The following GRM7 variants were observed in gnomAD, a reference collection of about 807,000 sequenced individuals.
The protein encoded by GRM7 is glutamate metabotropic receptor 7, also known as metabotropic glutamate receptor 7.
Under a neutral mutation model 84.5 loss-of-function variants are expected in GRM7, and 35 were observed. The observed-to-expected ratio is 0.41, with a 90% confidence interval of 0.32 to 0.55. The LOEUF (loss-of-function observed/expected upper bound fraction) is 0.55, where lower values mean the gene tolerates loss of function less well. Among genes scored for constraint, GRM7 ranks in the 20% least tolerant of loss-of-function variants. The probability of loss-of-function intolerance (pLI) is 0.19; values close to 1 mark genes in which losing one functional copy is unlikely to be tolerated. For synonymous variants in GRM7, 487 were observed against 455.1 expected, an observed-to-expected ratio of 1.07 and a Z score of -0.89; for missense variants, 1,003 against 1,194.6, an observed-to-expected ratio of 0.84 and a Z score of 2.36.
intron 7 of GRM7, among the ~76,000 whole-genome samples, chr3:7,496,513 A>G (rs1575417455): frequency 6.6e-6 from 1 of 152,350 alleles, no homozygotes; most frequent in South Asian, 2.1e-4. Context: ...CTGAAGAGGC[A>G]TTACATCTAA....
rs36031229 is a variant in GRM7 at position 7,456,450 on chromosome 3, C to CTT, written c.1375+3653_1375+3654dup. On this transcript the variant is annotated intron_variant, in intron 6 of 9. Coordinates refer to ENST00000357716, the MANE Select transcript of GRM7 (RefSeq NM_000844.4). The stretch of plus-strand genomic sequence containing the variant: ...TGGTTTAGGATGCTATTTTTTTTTC[C>CTT]TTTTTTTTTTTAACAGATAAGGAAA... Among the ~76,000 whole-genome samples the CTT allele has an allele frequency of 2.6e-3, 380 of 146,582 alleles. 1 individual carries two copies. Among genetic ancestry groups the CTT allele is most frequent in the Middle Eastern group, 7.0e-3 (2 of 286 alleles).
intron 4 of GRM7, among the ~76,000 whole-genome samples, chr3:7,390,434 A>G (rs1694946399): frequency 2.0e-5 from 3 of 152,154 alleles, no homozygotes; most frequent in African/African-American, 4.8e-5. Flanking sequence ...ATATCCTCAC[A>G]TATTGTTTCT....
intron 2 of GRM7, among the ~76,000 whole-genome samples, chr3:7,237,524 G>A (rs1697389303): frequency 6.6e-6 from 1 of 151,938 alleles, no homozygotes; most frequent in African/African-American, 2.4e-5. Flanking sequence ...TCTTAAAGAT[G>A]GTGTGTCTGA....
intron 4 of GRM7, among the ~76,000 whole-genome samples, chr3:7,327,467 C>G (rs1366491601): frequency 6.6e-6 from 1 of 152,112 alleles, no homozygotes; most frequent in Non-Finnish European, 1.5e-5. Flanking sequence ...TTGGGGTCAA[C>G]AAAGAAATAT....
intron 4 of GRM7, among the ~76,000 whole-genome samples, chr3:7,411,804 T>C (rs1293504095): frequency 3.9e-5 from 6 of 152,228 alleles, no homozygotes; most frequent in African/African-American, 7.2e-5. Context: ...CTTTCTCTAG[T>C]GCATGTACCT....
chr3:7,479,398 A>G (rs948783947), intron 7 of GRM7, among the ~76,000 whole-genome samples: 3 of 151,900 alleles, frequency 2.0e-5, no homozygotes, highest in Non-Finnish European at 4.4e-5. Context: ...GACCACTCTC[A>G]AGCAGAGAGG....
At chr3:7,221,264 A>G (rs1040735828) in intron 2 of GRM7, among the ~76,000 whole-genome samples, 1 of 152,188 alleles carries the variant, frequency 6.6e-6, no homozygotes, top group Admixed American at 6.5e-5. Context: ...GTTTTTTGCT[A>G]CTCTGATAGG....
intron 4 of GRM7, among the ~76,000 whole-genome samples, chr3:7,361,284 A>C (rs190941795): frequency 6.6e-6 from 1 of 152,008 alleles, no homozygotes; most frequent in South Asian, 2.1e-4. Context: ...ATCTGTAGTC[A>C]CCTCTACCCT....
chr3:7,166,937 G>T (rs1694818839), intron 2 of GRM7, among the ~76,000 whole-genome samples: 1 of 152,034 alleles, frequency 6.6e-6, no homozygotes, highest in African/African-American at 2.4e-5. Context: ...GACAACCTTT[G>T]TATTTTAGTA....
In GRM7 at chr3:7,649,850, G is replaced by A. The variant is rs75489128; in HGVS notation, c.2452-30199G>A. Among the ~76,000 whole-genome samples the A allele has an allele frequency of 1.6e-3, 239 of 150,832 alleles. 6 individuals are homozygous for A. In the East Asian group the frequency reaches 0.039, roughly 25 times the overall value. The stretch of plus-strand genomic sequence containing the variant: ...AAAAAAATAGGAAACAGGTTTGGGC[G>A]GGGGGGTACTTCTTTAACAAGAAGA... On this transcript the variant is annotated intron_variant, in intron 8 of 9. Coordinates refer to ENST00000357716, the MANE Select transcript of GRM7 (RefSeq NM_000844.4).
At chr3:6,985,091 T>C (rs1248282798) in intron 1 of GRM7, among the ~76,000 whole-genome samples, 1 of 152,118 alleles carries the variant, frequency 6.6e-6, no homozygotes, top group Non-Finnish European at 1.5e-5. Flanking sequence ...TAAATTTTTG[T>C]AGGTACATAG....
rs186524763 is a variant in GRM7 at position 7,406,303 on chromosome 3, A to G, written c.1034-8720A>G. 8.2e-3 allele frequency among the ~76,000 whole-genome samples: 1,246 copies of G among 152,132 alleles called. 14 individuals are homozygous for G. Among genetic ancestry groups the G allele is most frequent in the African/African-American group, 0.027 (1,111 of 41,504 alleles). On this transcript the variant is annotated intron_variant, in intron 4 of 9. Coordinates refer to ENST00000357716, the MANE Select transcript of GRM7 (RefSeq NM_000844.4). ...ATCACGAGGTCAGGAGATGGAGACC[A>G]TCCTGGCTAACAAGGTGCAACCCCG...
At chr3:6,978,305 C>G (rs904071383) in intron 1 of GRM7, among the ~76,000 whole-genome samples, 8 of 152,082 alleles carry the variant, frequency 5.3e-5, no homozygotes, top group African/African-American at 1.9e-4. Flanking sequence ...AAGAACCTCC[C>G]TTAGAGATTC....
chr3:7,502,688 A>G (rs955923150), intron 7 of GRM7, among the ~76,000 whole-genome samples: 2 of 152,252 alleles, frequency 1.3e-5, no homozygotes, highest in African/African-American at 2.4e-5. Context: ...GTGTCCTGAG[A>G]AACTCAGAGA....
intron 4 of GRM7, among the ~76,000 whole-genome samples, chr3:7,392,018 G>T (rs191747652): frequency 6.6e-6 from 1 of 152,274 alleles, no homozygotes; most frequent in East Asian, 1.9e-4. Flanking sequence ...TTTTGGTGGT[G>T]CCACCTTCAG....
intron 1 of GRM7, among the ~76,000 whole-genome samples, chr3:7,107,946 C>G (rs1261389719): frequency 6.6e-6 from 1 of 151,982 alleles, no homozygotes; most frequent in East Asian, 1.9e-4. Context: ...GATGTTTGAG[C>G]ATTCATAAAA....
intron 4 of GRM7, among the ~76,000 whole-genome samples, chr3:7,397,372 C>T (rs1289773876): frequency 6.6e-6 from 1 of 152,036 alleles, no homozygotes; most frequent in Non-Finnish European, 1.5e-5. Context: ...GACTCAAAGC[C>T]ATTATGTAGA....
At chr3:7,405,266 G>T (rs975220757) in intron 4 of GRM7, among the ~76,000 whole-genome samples, 3 of 152,114 alleles carry the variant, frequency 2.0e-5, no homozygotes, top group African/African-American at 7.2e-5. Context: ...AAGAATATTA[G>T]CTTTTTAAAG....
chr3:7,269,402 A>G (rs2124974459), intron 2 of GRM7, among the ~76,000 whole-genome samples: 1 of 151,634 alleles, frequency 6.6e-6, no homozygotes, highest in Admixed American at 6.6e-5. Flanking sequence ...CTTGCTACAC[A>G]TTAGAATTGC....
Sources: allele counts gnomAD v4.1 joint callset (sites outside exome capture counted in the v4.1 genomes callset), GRCh38; gene constraint gnomAD v4.1.1; transcripts MANE v1.5; gene names NCBI Gene and HGNC (gene_info 2026-07-23, HGNC 2026-07-21).